CRISP3: variants seen among roughly 807,000 people sequenced by gnomAD.
CRISP3 encodes cysteine rich secretory protein 3, also known as cysteine-rich secretory protein 3.
Under a neutral mutation model 36.1 loss-of-function variants are expected in CRISP3, and 33 were observed. The ratio of observed to expected loss-of-function variants is 0.91; its 90% CI spans 0.69 to 1.22. The LOEUF (loss-of-function observed/expected upper bound fraction) is 1.22, where lower values mean the gene tolerates loss of function less well. CRISP3 is among the 50% of genes most tolerant of loss of function. CRISP3 has a pLI of 0.00. For missense variants in CRISP3, 330 were observed against 301.2 expected (o/e 1.10, Z -0.71); for synonymous variants, 117 against 104.6 (o/e 1.12, Z -0.72).
At chr6:49,732,379 C>A (rs763788000) in intron 6 of CRISP3, among the ~76,000 whole-genome samples, 4 of 152,102 alleles carry the variant, frequency 2.6e-5, no homozygotes, top group Non-Finnish European at 5.9e-5. Context: ...ATAAGCCATG[C>A]AGAAAGCTGA....
At chr6:49,740,574 GAT>G (rs1769173385) in intron 1 of CRISP3, among the ~76,000 whole-genome samples, 1 of 103,776 alleles carries the variant, frequency 9.6e-6, no homozygotes, top group African/African-American at 3.3e-5. Flanking sequence ...TGTGTATATG[GAT>G]GTGTGTGTGT....
At chr6:49,738,376 A>G (rs1769114510) in intron 1 of CRISP3, among the ~76,000 whole-genome samples, 1 of 152,216 alleles carries the variant, frequency 6.6e-6, no homozygotes, top group Non-Finnish European at 1.5e-5. Flanking sequence ...AAAAACCACT[A>G]TACATTTATG....
chr6:49,737,155 T>C (rs1769075509), intron 2 of CRISP3, among the ~76,000 whole-genome samples, 170 bp downstream of exon 2: 1 of 152,114 alleles, frequency 6.6e-6, no homozygotes, highest in Admixed American at 6.6e-5. Flanking sequence ...GGCTACCATA[T>C]TGATCACCAC....
intron 3 of CRISP3, among the ~76,000 whole-genome samples, chr6:49,735,794 T>TAAG (rs2127451907): frequency 6.6e-6 from 1 of 152,252 alleles, no homozygotes; most frequent in South Asian, 2.1e-4. Context: ...ATGCCTACCC[T>TAAG]AAGTAATCAA....
At position 49,728,725 on chromosome 6, in the gene CRISP3, C is replaced by A. The variant is rs370404275; in HGVS notation, c.*5G>T. 23 of 1,608,598 alleles carry A rather than the reference C, an allele frequency of 1.4e-5. No individual in the cohort carries two copies. In the Admixed American group the frequency reaches 1.9e-4, roughly 13 times the overall value. ...ACATAGCCCTACTCGGTGTGTAATG[C>A]GTATTTAATAAATGCTGTTTGAACA... On this transcript the variant is annotated 3_prime_UTR_variant, in exon 8 of 8. Transcript: ENST00000263045.
chr6:49,733,511 A>G (rs1053477655), intron 5 of CRISP3, among the ~76,000 whole-genome samples, 192 bp downstream of exon 5: 46 of 152,194 alleles, frequency 3.0e-4, no homozygotes, highest in African/African-American at 1.1e-3. Context: ...GACAAAGATT[A>G]TGCTTCCCTA....
At chr6:49,730,489 A>G (rs1209782630) in intron 7 of CRISP3, among the ~76,000 whole-genome samples, 1 of 152,166 alleles carries the variant, frequency 6.6e-6, no homozygotes, top group African/African-American at 2.4e-5. Flanking sequence ...GGATTGAGCC[A>G]TATTCTATGG....
rs540468198 is a variant in CRISP3, at chr6:49,743,062, T to G, written c.37+1269A>C. The stretch of plus-strand genomic sequence containing the variant: ...CTTTCATCTTATTATGTATCTGTGA[T>G]ACAGAAAGCAGCCTATGCCAATATG... On this transcript the variant is annotated intron_variant, in intron 1 of 7. Transcript: ENST00000263045. 1.1e-4 allele frequency among the ~76,000 whole-genome samples: 17 copies of G among 152,328 alleles called. No homozygotes were observed. In the East Asian group the frequency reaches 3.3e-3, roughly 29 times the overall value.
chr6:49,741,057 C>T (rs113931622), intron 1 of CRISP3, among the ~76,000 whole-genome samples: 27,632 of 150,098 alleles, frequency 0.18, 2,790 homozygotes, highest in Admixed American at 0.31. Flanking sequence ...GCCGAGATCG[C>T]GCCACTGCCC....
chr6:49,733,776 A>C lies in CRISP3; in HGVS notation c.389T>G (p.Phe130Cys). The C allele has an allele frequency of 6.2e-7, 1 of 1,613,860 alleles. No individual in the cohort carries two copies. ...SSWSQAIQSW[F>C]DEYNDFDFGV... is the part of the protein sequence containing the mutation. ...AAAGTCAAAATCATTGTACTCATCA[A>C]ACCAGCTTTGGATTGCTTGTGACCA... Residue 130 changes from phenylalanine (F) to cysteine (C), a missense_variant, in exon 5 of 8, where the codon TTT becomes TGT. Coordinates refer to ENST00000263045, the MANE Select transcript of CRISP3 (RefSeq NM_006061.4).
At chr6:49,732,976 T>C (rs991052495) in intron 6 of CRISP3, among the ~76,000 whole-genome samples, 2 of 152,180 alleles carry the variant, frequency 1.3e-5, no homozygotes, top group Non-Finnish European at 2.9e-5. Context: ...CAAATTATTT[T>C]AGGCATGAGG....
At chr6:49,733,913 C>T (rs1436719891) in intron 4 of CRISP3, 65 bp from the exon 5 acceptor site, 3 of 1,283,804 alleles carry the variant, frequency 2.3e-6, no homozygotes, top group South Asian at 2.6e-5. Context: ...TACACACAAA[C>T]ACACACACAC....
intron 3 of CRISP3, 92 bp downstream of exon 3, chr6:49,736,299 A>G: frequency 1.3e-6 from 1 of 798,776 alleles, no homozygotes; most frequent in Non-Finnish European, 2.1e-6. Context: ...GAACTTTGTA[A>G]ACTTCAAAGT....
chr6:49,734,495 C>T lies in CRISP3; in HGVS notation c.317-647G>A, dbSNP rs534527348. ...CTTGCAGCCCAGAAATACTTCAACA[C>T]TTTTTCAAGCCCTAAAATTAATATT... On this transcript the variant is annotated intron_variant, in intron 4 of 7. Transcript: ENST00000263045. Among the ~76,000 whole-genome samples the T allele has an allele frequency of 2.6e-5, 4 of 152,178 alleles. No individual in the cohort carries two copies. In the South Asian group the frequency reaches 8.3e-4, roughly 32 times the overall value.
At chr6:49,736,037 A>G (rs550748279) in intron 3 of CRISP3, among the ~76,000 whole-genome samples, 3 of 152,166 alleles carry the variant, frequency 2.0e-5, no homozygotes, top group African/African-American at 7.2e-5. Flanking sequence ...CCAGAAAAGT[A>G]GATTGTTATT....
At chr6:49,732,335 A>T (rs574861053) in intron 6 of CRISP3, among the ~76,000 whole-genome samples, 74 of 152,322 alleles carry the variant, frequency 4.9e-4, no homozygotes, top group African/African-American at 1.8e-3. Context: ...TCAGACTGGA[A>T]TCCTACATCA....
intron 1 of CRISP3, among the ~76,000 whole-genome samples, chr6:49,742,459 T>G (rs928998935): frequency 6.6e-6 from 1 of 151,786 alleles, no homozygotes; most frequent in Non-Finnish European, 1.5e-5. Context: ...TGGTGAAACC[T>G]CGTCTCTACT....
At chr6:49,735,005 G>A (rs1378105122) in intron 4 of CRISP3, among the ~76,000 whole-genome samples, 2 of 151,890 alleles carry the variant, frequency 1.3e-5, no homozygotes, top group African/African-American at 4.8e-5. Flanking sequence ...AAAAGTTAAT[G>A]CTAATGTTAA....
At position 49,740,570 on chromosome 6, in the gene CRISP3, T is replaced by C. The variant is rs915379987; in HGVS notation, c.38-3172A>G. On this transcript the variant is annotated intron_variant, in intron 1 of 7. Coordinates refer to ENST00000263045, the MANE Select transcript of CRISP3 (RefSeq NM_006061.4). Reference sequence around the variant, plus strand: ...TCTCTCATGACTTCTAGAATGTGTATATGGATGTGTGTGTGTGTGTGTGTG... The same window carrying C: ...TCTCTCATGACTTCTAGAATGTGTACATGGATGTGTGTGTGTGTGTGTGTG... Among the ~76,000 whole-genome samples, 43 of 141,252 alleles carry C rather than the reference T, an allele frequency of 3.0e-4. 2 individuals carry two copies. The highest frequency in any genetic ancestry group is 2.8e-3 in the Admixed American group (38 of 13,616). 92.7% of individuals were successfully genotyped at this position (141,252 alleles called of 152,430 possible).
Sources: allele counts gnomAD v4.1 joint callset (sites outside exome capture counted in the v4.1 genomes callset), GRCh38; gene constraint gnomAD v4.1.1; transcripts MANE v1.5; gene names NCBI Gene and HGNC (gene_info 2026-07-23, HGNC 2026-07-21).